The following SPATA7 variants were observed in gnomAD, a reference collection of about 807,000 sequenced individuals.
SPATA7 encodes spermatogenesis associated 7, also known as spermatogenesis-associated protein 7.
Under a neutral mutation model 51.8 loss-of-function variants are expected in SPATA7, and 43 were observed. The ratio of observed to expected loss-of-function variants is 0.83; its 90% CI spans 0.65 to 1.07. The LOEUF is 1.07. SPATA7 is among the 50% of genes least tolerant of loss of function. The pLI is 0.00. For missense variants in SPATA7, 683 were observed against 701.3 expected (o/e 0.97, Z 0.30); for synonymous variants, 230 against 252.8 (o/e 0.91, Z 0.86).
chr14:88,452,618 A>G (rs1056097654), intron 3 of SPATA7, among the ~76,000 whole-genome samples: 19 of 152,126 alleles, frequency 1.2e-4, no homozygotes, highest in Non-Finnish European at 2.6e-4. Flanking sequence ...TCTTGGAGCA[A>G]AAGTTCACAA....
intron 3 of SPATA7, among the ~76,000 whole-genome samples, chr14:88,444,710 C>A (rs1460118548): frequency 6.6e-6 from 1 of 152,144 alleles, no homozygotes; most frequent in African/African-American, 2.4e-5. Flanking sequence ...TATGGCTAGC[C>A]AGTTTTCCCA....
intron 5 of SPATA7, among the ~76,000 whole-genome samples, chr14:88,422,350 C>G (rs1171619893): frequency 1.3e-5 from 2 of 152,092 alleles, no homozygotes; most frequent in Non-Finnish European, 2.9e-5. Context: ...TAGAATAAAT[C>G]TGTTATCTGC....
chr14:88,385,880 C>T lies in SPATA7; in HGVS notation c.19+43C>T, dbSNP rs144906310. ...GGGGCTACCGCCGCCTCGCCCCTCG[C>T]TCCAGGCGGCGCTCCCAGCCTCGGG... On this transcript the variant is annotated intron_variant, in intron 1 of 11. Coordinates refer to ENST00000393545, the MANE Select transcript of SPATA7 (RefSeq NM_018418.5). 1.5e-3 allele frequency: 2,334 copies of T among 1,578,198 alleles called. 39 individuals carry two copies. In the African/African-American group the frequency reaches 0.028, roughly 19 times the overall value.
intron 3 of SPATA7, among the ~76,000 whole-genome samples, chr14:88,394,233 A>C (rs975607202): frequency 2.6e-5 from 4 of 152,140 alleles, no homozygotes; most frequent in African/African-American, 9.7e-5. Context: ...AGCATTTGCT[A>C]CCTGGCCCTT....
At position 88,402,433 on chromosome 14, in the gene SPATA7, C is replaced by CA. The variant is rs55637670; in HGVS notation, c.238+6239dup. Among the ~76,000 whole-genome samples, 60 of 151,846 alleles carry CA rather than the reference C, an allele frequency of 4.0e-4. No homozygotes were observed. The East Asian group carries it at 6.6e-3, about 17-fold the overall frequency. ...AATAATCAAAACAGTATGGAACTGG[C>CA]AAAAAAAAACACATACCAGACCAAT... On this transcript the variant is annotated intron_variant, in intron 4 of 11. Transcript: ENST00000393545.
chr14:88,468,005 G>T, intron 4 of SPATA7: 1 of 1,169,774 alleles, frequency 8.5e-7, no homozygotes, highest in Non-Finnish European at 1.2e-6. Context: ...CCGCCATTCA[G>T]ACTGCGCCAC....
rs974070136 is a variant in SPATA7 at position 88,437,687 on chromosome 14, G to A, written c.1215+90G>A. ...CATACCTTCAAACAATACATTAAAA[G>A]CAAGTGCTTTTTTTTTCCCTTGAAC... On this transcript the variant is annotated intron_variant, in intron 11 of 11. Transcript: ENST00000393545. 6 of 1,353,662 alleles carry A rather than the reference G, an allele frequency of 4.4e-6. No homozygotes were observed. The African/African-American group carries it at 7.4e-5, about 17-fold the overall frequency. The allele number at this position is 1,353,662 out of a possible 1,614,324, so 83.9% of individuals were successfully genotyped here. A position where few individuals can be genotyped will look rare whatever the true frequency, so the allele number is the denominator to read the frequency against.
rs545314877 is a variant in SPATA7, at chr14:88,466,378, T to A, written c.255-3469T>A. 6 of 152,306 alleles carry A rather than the reference T, an allele frequency of 3.9e-5. No homozygotes were observed. The South Asian group carries it at 1.2e-3, about 32-fold the overall frequency. 9.4% of individuals were successfully genotyped at this position (152,306 alleles called of 1,614,324 possible). On this transcript the variant is annotated intron_variant, in intron 4 of 4. Transcript: ENST00000556406. ...GTTTTCCTCTTAGGTGGTTGGTTTC[T>A]GGGTAAGGCAGAGTTAGGCTGGTGC...
intron 5 of SPATA7, among the ~76,000 whole-genome samples, chr14:88,422,875 A>G (rs1298008832): frequency 6.6e-6 from 1 of 152,104 alleles, no homozygotes; most frequent in African/African-American, 2.4e-5. Flanking sequence ...TGATAATTGA[A>G]TGGGTGTTAT....
chr14:88,446,733 T>A lies in SPATA7; in HGVS notation c.178-8327T>A, dbSNP rs541617206. On this transcript the variant is annotated intron_variant, in intron 3 of 3. Transcript: ENST00000554802. ...AACATCTTTATTTCTGCCTTCGTTT[T>A]GTTATGTACCCAGTAGTCATTCAGG... 1.1e-3 allele frequency among the ~76,000 whole-genome samples: 164 copies of A among 152,266 alleles called. 3 individuals carry two copies. The East Asian group carries it at 0.023, about 21-fold the overall frequency.
At position 88,426,656 on chromosome 14, in the gene SPATA7, A is replaced by G. The variant is rs1168751778; in HGVS notation, c.797A>G (p.Lys266Arg). ...TATTATACACCTGCCAAAAGAAAAA[A>G]GGATTTTACAGATCAACGGATAGAA... ...YRYYTPAKRK[K>R]DFTDQRIEAE... Residue 266 changes from lysine (K) to arginine (R), a missense_variant, in exon 6 of 12, where the codon AAG becomes AGG. Coordinates refer to ENST00000393545, the MANE Select transcript of SPATA7 (RefSeq NM_018418.5). The G allele has an allele frequency of 1.2e-6, 2 of 1,613,910 alleles. No individual in the cohort carries two copies. Among genetic ancestry groups the G allele is most frequent in the South Asian group, 1.1e-5 (1 of 91,084 alleles).
At chr14:88,396,525 T>C (rs188624063) in intron 4 of SPATA7, among the ~76,000 whole-genome samples, 2 of 152,314 alleles carry the variant, frequency 1.3e-5, no homozygotes, top group East Asian at 3.9e-4. Context: ...TGGAATCATA[T>C]CGTGTTTGTT....
intron 4 of SPATA7, among the ~76,000 whole-genome samples, chr14:88,403,049 G>A (rs1203625850): frequency 1.4e-5 from 2 of 146,228 alleles, no homozygotes; most frequent in African/African-American, 5.0e-5. Flanking sequence ...AGACATACAA[G>A]TGGCCAATAA....
At chr14:88,401,663 C>G (rs1283122308) in intron 4 of SPATA7, among the ~76,000 whole-genome samples, 2 of 151,506 alleles carry the variant, frequency 1.3e-5, no homozygotes, top group East Asian at 3.9e-4. Flanking sequence ...AAGACCATGC[C>G]TCTACAAAAT....
rs1271800253 is a variant in SPATA7 at position 88,385,753 on chromosome 14, G to A, written c.-66G>A. On this transcript the variant is annotated 5_prime_UTR_variant, in exon 1 of 12. Transcript: ENST00000393545. ...TCCAGTCCTCCACTGCCGGGGCTGG[G>A]CCCGGCCGCGGGAAGGACCGAAGGG... 2 of 1,507,920 alleles carry A rather than the reference G, an allele frequency of 1.3e-6. No individual in the cohort carries two copies. Among genetic ancestry groups the A allele is most frequent in the Non-Finnish European group, 1.8e-6 (2 of 1,097,832 alleles). 93.4% of individuals were successfully genotyped at this position (1,507,920 alleles called of 1,614,324 possible).
chr14:88,424,042 C>G (rs1442572508), intron 5 of SPATA7, among the ~76,000 whole-genome samples: 1 of 152,128 alleles, frequency 6.6e-6, no homozygotes, highest in Non-Finnish European at 1.5e-5. Context: ...ATCACAGAAA[C>G]AGTGCACAAC....
At position 88,437,894 on chromosome 14, in the gene SPATA7, G is replaced by C. The variant is rs1273575803; in HGVS notation, c.1272G>C (p.Glu424Asp). The stretch of plus-strand genomic sequence containing the variant: ...AAGTAGACTTAGGCTGCACATCGGA[G>C]GAAAACTCGGTAAAGCAAAATGATG... ...VLKVDLGCTSEENSVKQNDVD... is the reference protein window; with the variant it reads ...VLKVDLGCTSDENSVKQNDVD... The change falls in exon 12 of 12, where the codon GAG becomes GAC. Residue 424 changes from glutamate to aspartate, a missense_variant. Physicochemically the swap from Glu to Asp is conservative, Grantham distance 45. Coordinates refer to ENST00000393545, the MANE Select transcript of SPATA7 (RefSeq NM_018418.5). The C allele has an allele frequency of 6.2e-7, 1 of 1,610,648 alleles. No homozygotes were observed. The highest frequency in any genetic ancestry group is 8.5e-7 in the Non-Finnish European group (1 of 1,178,396).
At chr14:88,443,601 T>C (rs1360606938) in intron 3 of SPATA7, among the ~76,000 whole-genome samples, 2 of 152,080 alleles carry the variant, frequency 1.3e-5, no homozygotes, top group Admixed American at 1.3e-4. Context: ...CATCTAGCAT[T>C]AGGTATATCT....
At chr14:88,442,398 C>T (rs988605597), downstream of SPATA7, among the ~76,000 whole-genome samples, 5 of 151,960 alleles carry the variant, frequency 3.3e-5, no homozygotes, top group South Asian at 4.1e-4. Context: ...TTAGTAGAGA[C>T]GGGGTTTCAC....
Sources: gnomAD v4.1 joint callset for allele counts (sites outside exome capture counted in the v4.1 genomes callset) on GRCh38, gnomAD v4.1.1 for gene constraint, MANE v1.5 for transcripts, NCBI Gene and HGNC (gene_info 2026-07-23, HGNC 2026-07-21) for gene names.